Variants in PHF24 observed in about 807,000 individuals in gnomAD.
PHF24 encodes Galpha inhibitory interacting protein.
A neutral mutation model predicts 42.6 loss-of-function variants in PHF24; 25 were observed. The ratio of observed to expected loss-of-function variants is 0.59; its 90% confidence interval spans 0.43 to 0.82. The LOEUF is 0.82. Ranked by LOEUF, PHF24 falls within the 40% of genes least tolerant of loss-of-function variation. The probability of loss-of-function intolerance (pLI) is 0.00; values close to 1 mark genes in which losing one functional copy is unlikely to be tolerated. For synonymous variants in PHF24, 185 were observed against 204.8 expected, an observed-to-expected ratio of 0.90 and a Z score of 0.83; for missense variants, 470 against 538.1, an observed-to-expected ratio of 0.87 and a Z score of 1.25.
At chr9:34,771,847 T>C in the PHF24 span, among the ~76,000 whole-genome samples, 1 of 152,172 alleles carries the variant, frequency 6.6e-6, no homozygotes, top group East Asian at 1.9e-4. Flanking sequence ...GGTGCATTTC[T>C]CCAAGGGTAA....
chr9:34,971,581 A>G lies in PHF24; in HGVS notation c.283A>G (p.Arg95Gly), dbSNP rs1204858419. ...CGGCGTGGAGCCTGAGGAGTTTGACAGGACAAGTCGATTCACACCCCCTGC... is the reference window on the plus strand; with the variant it reads ...CGGCGTGGAGCCTGAGGAGTTTGACGGGACAAGTCGATTCACACCCCCTGC... The change falls in exon 2 of 8, where the codon AGG (arginine) becomes GGG (glycine). Residue 95 changes from arginine to glycine, a missense_variant. Transcript: ENST00000242315. 3.7e-6 allele frequency: 6 copies of G among 1,613,956 alleles called. No individual in the cohort carries two copies. The highest frequency in any genetic ancestry group is 5.1e-6 in the Non-Finnish European group (6 of 1,180,006).
the PHF24 span, among the ~76,000 whole-genome samples, chr9:34,811,641 A>G: frequency 6.6e-6 from 1 of 152,080 alleles, no homozygotes; most frequent in Non-Finnish European, 1.5e-5. Context: ...GGCTAAAATG[A>G]CAAGGCTAAA....
chr9:34,731,832 T>C, the PHF24 span, among the ~76,000 whole-genome samples: 3 of 152,158 alleles, frequency 2.0e-5, no homozygotes, highest in South Asian at 6.2e-4. Flanking sequence ...TGCTGGATCA[T>C]ATAGTAGTTG....
At chr9:34,935,728 TTGTGTGTGGGGGGGGGGTGTGTGTG>T in the PHF24 span, among the ~76,000 whole-genome samples, 16 of 140,726 alleles carry the variant, frequency 1.1e-4, no homozygotes, top group African/African-American at 4.1e-4. Context: ...AGGAGTGTAT[TTGTGTGTGGGGGGGGGGTGTGTGTG>T]TGTGTGTGTC....
the PHF24 span, among the ~76,000 whole-genome samples, chr9:34,861,242 G>C: frequency 6.6e-6 from 1 of 152,190 alleles, no homozygotes; most frequent in Non-Finnish European, 1.5e-5. Context: ...TCACAGTGCT[G>C]CTAGAGTTAG....
chr9:34,960,549 TA>T (rs1206175401), intron 1 of PHF24, among the ~76,000 whole-genome samples: 1 of 152,176 alleles, frequency 6.6e-6, no homozygotes, highest in African/African-American at 2.4e-5. Context: ...TAGGTAGGCA[TA>T]TATTTAAAGA....
At chr9:34,700,340 G>A in the PHF24 span, among the ~76,000 whole-genome samples, 2 of 150,842 alleles carry the variant, frequency 1.3e-5, no homozygotes, top group African/African-American at 2.5e-5. Flanking sequence ...GGTGGAGGCC[G>A]TTGCAACAAT....
chr9:34,906,420 T>A, the PHF24 span, among the ~76,000 whole-genome samples: 1 of 152,260 alleles, frequency 6.6e-6, no homozygotes, highest in Non-Finnish European at 1.5e-5. Context: ...TACAAGTGGT[T>A]AAAGGTGTAA....
At chr9:34,726,551 G>T in the PHF24 span, 1 of 1,551,892 alleles carries the variant, frequency 6.4e-7, no homozygotes, top group South Asian at 1.2e-5. Context: ...GTTCAGTGGA[G>T]CCCTTGGCTT....
At chr9:34,825,702 T>A in the PHF24 span, among the ~76,000 whole-genome samples, 2 of 151,842 alleles carry the variant, frequency 1.3e-5, no homozygotes, top group African/African-American at 4.9e-5. Context: ...AAGACATAAG[T>A]GTGTTTTTCT....
chr9:34,878,694 A>G, the PHF24 span, among the ~76,000 whole-genome samples: 1 of 152,238 alleles, frequency 6.6e-6, no homozygotes, highest in Non-Finnish European at 1.5e-5. Flanking sequence ...CTGAGGCTTG[A>G]GTAGGTAAAC....
chr9:34,937,040 C>A, the PHF24 span, among the ~76,000 whole-genome samples: 4 of 147,414 alleles, frequency 2.7e-5, no homozygotes, highest in African/African-American at 7.5e-5. Flanking sequence ...GTCAGCCCCC[C>A]CCCCGGGCCA....
chr9:34,842,453 T>C, the PHF24 span, among the ~76,000 whole-genome samples: 7 of 152,166 alleles, frequency 4.6e-5, 1 homozygote, highest in East Asian at 1.3e-3. Context: ...AAGGTGATGG[T>C]ATTAGAAGTT....
At chr9:34,801,116 C>A in the PHF24 span, among the ~76,000 whole-genome samples, 1 of 152,148 alleles carries the variant, frequency 6.6e-6, no homozygotes, top group Non-Finnish European at 1.5e-5. Context: ...AATGAAATAC[C>A]ATCTCACACC....
chr9:34,678,355 T>C, the PHF24 span: 1 of 137,620 alleles, frequency 7.3e-6, no homozygotes. Flanking sequence ...TTTTTTGGAA[T>C]GACGTTTTGC....
At chr9:34,754,875 A>G in the PHF24 span, among the ~76,000 whole-genome samples, 2 of 152,262 alleles carry the variant, frequency 1.3e-5, no homozygotes, top group African/African-American at 2.4e-5. Context: ...TCACCCATAA[A>G]AAACGATGAG....
At chr9:34,930,375 T>C in the PHF24 span, among the ~76,000 whole-genome samples, 1 of 152,210 alleles carries the variant, frequency 6.6e-6, no homozygotes, top group Admixed American at 6.5e-5. Context: ...GTTCCTTAAC[T>C]TTATGGGATT....
the PHF24 span, among the ~76,000 whole-genome samples, chr9:34,941,306 G>T: frequency 1.3e-5 from 2 of 152,170 alleles, no homozygotes; most frequent in African/African-American, 4.8e-5. Context: ...GCCCCTGGAT[G>T]ATGCTATGTG....
At chr9:34,759,338 C>T in the PHF24 span, among the ~76,000 whole-genome samples, 3 of 152,218 alleles carry the variant, frequency 2.0e-5, no homozygotes, top group Admixed American at 2.0e-4. Context: ...GCACCAACAC[C>T]TCATCATGTT....
Sources: gnomAD v4.1 joint callset for allele counts (sites outside exome capture counted in the v4.1 genomes callset) on GRCh38, gnomAD v4.1.1 for gene constraint, MANE v1.5 for transcripts, NCBI Gene and HGNC (gene_info 2026-07-23, HGNC 2026-07-21) for gene names.